Variants in LHFPL3 observed in about 807,000 individuals in gnomAD.
The protein encoded by LHFPL3 is LHFPL tetraspan subfamily member 3.
Under a neutral mutation model 19.3 loss-of-function variants are expected in LHFPL3, and 5 were observed. That is an observed-to-expected ratio of 0.26 (90% CI 0.14 to 0.54). The LOEUF (loss-of-function observed/expected upper bound fraction) is 0.54, where lower values mean the gene tolerates loss of function less well. Among genes scored for constraint, LHFPL3 ranks in the 20% least tolerant of loss-of-function variants. LHFPL3 has a pLI of 0.94. For synonymous variants in LHFPL3, 133 were observed against 126.2 expected, an observed-to-expected ratio of 1.05 and a Z score of -0.36; for missense variants, 249 against 307.4, an observed-to-expected ratio of 0.81 and a Z score of 1.42.
intron 1 of LHFPL3, among the ~76,000 whole-genome samples, chr7:104,552,681 C>A (rs1330227390): frequency 6.6e-6 from 1 of 152,054 alleles, no homozygotes; most frequent in Non-Finnish European, 1.5e-5. Context: ...GCATGAATTA[C>A]CTGTAATTAA....
chr7:104,454,327 C>T (rs903230123), intron 1 of LHFPL3, among the ~76,000 whole-genome samples: 1 of 152,150 alleles, frequency 6.6e-6, no homozygotes, highest in African/African-American at 2.4e-5. Context: ...TGAAACCTTC[C>T]ACAAGGTCAA....
intron 1 of LHFPL3, among the ~76,000 whole-genome samples, chr7:104,537,885 T>C (rs1447628138): frequency 6.6e-6 from 1 of 152,214 alleles, no homozygotes; most frequent in African/African-American, 2.4e-5. Context: ...ATGATTACTT[T>C]CCATCAAGGT....
At chr7:104,562,177 C>T (rs922778196) in intron 1 of LHFPL3, among the ~76,000 whole-genome samples, 14 of 151,796 alleles carry the variant, frequency 9.2e-5, no homozygotes, top group African/African-American at 1.2e-4. Context: ...TTGCTCTTCT[C>T]GAGGAGTGTC....
chr7:104,445,656 A>G (rs1792316372), intron 1 of LHFPL3, among the ~76,000 whole-genome samples: 1 of 152,242 alleles, frequency 6.6e-6, no homozygotes, highest in Non-Finnish European at 1.5e-5. Flanking sequence ...GCCAGACTTC[A>G]GTCTGGTTAC....
chr7:104,581,381 GT>G (rs1317002258), intron 1 of LHFPL3, among the ~76,000 whole-genome samples: 19 of 152,058 alleles, frequency 1.2e-4, no homozygotes, highest in African/African-American at 4.6e-4. Context: ...TGCCAAGCAT[GT>G]TTTTACATGT....
chr7:104,336,994 C>T (rs1294161036), intron 1 of LHFPL3, among the ~76,000 whole-genome samples: 1 of 152,020 alleles, frequency 6.6e-6, no homozygotes, highest in South Asian at 2.1e-4. Flanking sequence ...TCAACTTTAG[C>T]TTTAGTACAG....
At chr7:104,642,695 C>G (rs1791859196) in intron 1 of LHFPL3, among the ~76,000 whole-genome samples, 2 of 152,144 alleles carry the variant, frequency 1.3e-5, no homozygotes, top group Non-Finnish European at 2.9e-5. Flanking sequence ...TGGTTCCTTC[C>G]CATAGCCTGG....
chr7:104,796,463 G>C (rs1790129654), intron 2 of LHFPL3: 1 of 152,196 alleles, frequency 6.6e-6, no homozygotes. Context: ...GTATTTGAAG[G>C]CCGTGAAGTC....
chr7:104,684,758 C>T (rs2116105883), intron 1 of LHFPL3, among the ~76,000 whole-genome samples: 1 of 152,280 alleles, frequency 6.6e-6, no homozygotes, highest in South Asian at 2.1e-4. Flanking sequence ...AGACACTCTA[C>T]CCTGCCATTC....
chr7:104,591,872 C>A (rs1405635937), intron 1 of LHFPL3, among the ~76,000 whole-genome samples: 1 of 152,172 alleles, frequency 6.6e-6, no homozygotes, highest in Non-Finnish European at 1.5e-5. Flanking sequence ...ATTAGATCTT[C>A]AATCACTGAT....
At chr7:104,456,932 G>A (rs1173565943) in intron 1 of LHFPL3, among the ~76,000 whole-genome samples, 10 of 152,186 alleles carry the variant, frequency 6.6e-5, no homozygotes, top group Non-Finnish European at 1.0e-4. Flanking sequence ...TTTTTGGACC[G>A]TAGTTGACTG....
intron 1 of LHFPL3, among the ~76,000 whole-genome samples, chr7:104,681,552 G>T (rs1792704008): frequency 6.6e-6 from 1 of 151,978 alleles, no homozygotes; most frequent in Non-Finnish European, 1.5e-5. Flanking sequence ...AACCTGGGAG[G>T]CAGAGGTTGC....
At chr7:104,334,142 G>A (rs906386004) in intron 1 of LHFPL3, among the ~76,000 whole-genome samples, 1 of 152,200 alleles carries the variant, frequency 6.6e-6, no homozygotes, top group Non-Finnish European at 1.5e-5. Context: ...GCATATAGTA[G>A]TATGTGTATA....
At chr7:104,469,234 A>G (rs1397199994) in intron 1 of LHFPL3, among the ~76,000 whole-genome samples, 1 of 152,216 alleles carries the variant, frequency 6.6e-6, no homozygotes, top group East Asian at 1.9e-4. Flanking sequence ...GATGAGGTCT[A>G]AAAGCTGACT....
chr7:104,341,546 G>T (rs554417724), intron 1 of LHFPL3, among the ~76,000 whole-genome samples: 4 of 152,304 alleles, frequency 2.6e-5, no homozygotes, highest in African/African-American at 4.8e-5. Flanking sequence ...AAATAAGCTT[G>T]TTTGACCACA....
chr7:104,361,327 T>C (rs766862416), intron 1 of LHFPL3, among the ~76,000 whole-genome samples: 1 of 152,238 alleles, frequency 6.6e-6, no homozygotes, highest in Non-Finnish European at 1.5e-5. Context: ...TATTTATAGA[T>C]TCCTATTGAT....
rs191431683 is a variant in LHFPL3 at position 104,353,805 on chromosome 7, C to T, written c.445+24581C>T. Among the ~76,000 whole-genome samples the T allele has an allele frequency of 2.2e-4, 33 of 152,276 alleles. No homozygotes were observed. In the East Asian group the frequency reaches 6.2e-3, roughly 28 times the overall value. On this transcript the variant is annotated intron_variant, in intron 1 of 2. Transcript: ENST00000424859. ...AGTGCCTTTGATTTTCTTAACCCTC[C>T]TTCAGTGTTGATTTTGTTATTTGCT...
At chr7:104,608,866 T>C (rs1791157893) in intron 1 of LHFPL3, among the ~76,000 whole-genome samples, 1 of 152,192 alleles carries the variant, frequency 6.6e-6, no homozygotes, top group Admixed American at 6.5e-5. Context: ...TCTTATCTTC[T>C]GTACAAGGGG....
At chr7:104,664,094 T>C (rs963539733) in intron 1 of LHFPL3, among the ~76,000 whole-genome samples, 3 of 152,246 alleles carry the variant, frequency 2.0e-5, no homozygotes, top group African/African-American at 7.2e-5. Context: ...GATTCTTGCC[T>C]GATAATATTG....
Sources: allele counts gnomAD v4.1 joint callset (sites outside exome capture counted in the v4.1 genomes callset), GRCh38; gene constraint gnomAD v4.1.1; transcripts MANE v1.5; gene names NCBI Gene and HGNC (gene_info 2026-07-23, HGNC 2026-07-21).